ZNF385D: variants seen among roughly 807,000 people sequenced by gnomAD.
ZNF385D encodes zinc finger protein 659.
In ZNF385D, 15 loss-of-function variants were observed where a neutral mutation model predicts 35.8. The observed-to-expected ratio is 0.42, with a 90% CI of 0.28 to 0.64. The LOEUF (loss-of-function observed/expected upper bound fraction) is 0.64. Ranked by LOEUF, ZNF385D falls within the 30% of genes least tolerant of loss-of-function variation. The probability of loss-of-function intolerance (pLI) is 0.23; values close to 1 mark genes in which losing one functional copy is unlikely to be tolerated. For missense variants in ZNF385D, 474 were observed against 494.6 expected (o/e 0.96, Z 0.39); for synonymous variants, 212 against 186.8 (o/e 1.13, Z -1.10).
intron 3 of ZNF385D, among the ~76,000 whole-genome samples, chr3:22,114,537 A>T (rs1702712366): frequency 6.6e-6 from 1 of 152,096 alleles, no homozygotes; most frequent in Non-Finnish European, 1.5e-5. Context: ...ATTAGGGAAG[A>T]GAGACAGGAA....
At chr3:22,262,905 C>A (rs1700709050) in intron 2 of ZNF385D, among the ~76,000 whole-genome samples, 1 of 151,918 alleles carries the variant, frequency 6.6e-6, no homozygotes, top group Non-Finnish European at 1.5e-5. Context: ...GGGCATCAAC[C>A]CTTACCCAGG....
intron 3 of ZNF385D, among the ~76,000 whole-genome samples, chr3:21,989,224 C>G (rs1315601778): frequency 6.6e-6 from 1 of 152,150 alleles, no homozygotes; most frequent in African/African-American, 2.4e-5. Context: ...TAGGAATGGT[C>G]GTGGTTTAAC....
chr3:21,711,001 A>G (rs1027793204), intron 1 of ZNF385D, among the ~76,000 whole-genome samples: 2 of 146,622 alleles, frequency 1.4e-5, no homozygotes, highest in Admixed American at 1.4e-4. Flanking sequence ...TGAGCAACTT[A>G]AACCTCTCTA....
chr3:21,731,512 C>G (rs753827238), intron 1 of ZNF385D, among the ~76,000 whole-genome samples: 4 of 152,064 alleles, frequency 2.6e-5, no homozygotes, highest in Non-Finnish European at 5.9e-5. Context: ...TCATAACTAC[C>G]CAGAGTTTAT....
At chr3:21,883,463 G>T (rs1698382849) in intron 3 of ZNF385D, among the ~76,000 whole-genome samples, 2 of 151,910 alleles carry the variant, frequency 1.3e-5, no homozygotes, top group South Asian at 2.1e-4. Flanking sequence ...GATTTTGCCT[G>T]ATCATGAGGG....
chr3:21,893,866 G>T (rs2125886276), intron 3 of ZNF385D, among the ~76,000 whole-genome samples: 1 of 152,230 alleles, frequency 6.6e-6, no homozygotes, highest in South Asian at 2.1e-4. Flanking sequence ...ACTTGAAATT[G>T]TATTTAGTTT....
chr3:22,057,971 T>A (rs1172469499), intron 3 of ZNF385D, among the ~76,000 whole-genome samples: 1 of 152,212 alleles, frequency 6.6e-6, no homozygotes, highest in Admixed American at 6.5e-5. Context: ...TTCTTGTTTA[T>A]CTCAATCAAA....
intron 3 of ZNF385D, among the ~76,000 whole-genome samples, chr3:22,155,353 C>T (rs1268980042): frequency 6.6e-6 from 1 of 151,852 alleles, no homozygotes; most frequent in Non-Finnish European, 1.5e-5. Flanking sequence ...GTCCCTGATG[C>T]TTGTATTAGT....
chr3:21,647,603 T>C (rs558333321), intron 2 of ZNF385D, among the ~76,000 whole-genome samples: 2 of 152,304 alleles, frequency 1.3e-5, no homozygotes, highest in African/African-American at 2.4e-5. Flanking sequence ...ATCCCTAAAA[T>C]AATGATTTCA....
intron 3 of ZNF385D, among the ~76,000 whole-genome samples, chr3:21,921,222 C>T (rs1468627550): frequency 1.5e-5 from 1 of 68,962 alleles, no homozygotes. Context: ...GACTCCATCT[C>T]AAAAAAAAAA....
chr3:22,262,612 G>A (rs575736301), intron 2 of ZNF385D, among the ~76,000 whole-genome samples: 2 of 151,940 alleles, frequency 1.3e-5, no homozygotes, highest in South Asian at 4.2e-4. Context: ...CTGTAACTAA[G>A]AATACTTTTT....
intron 3 of ZNF385D, among the ~76,000 whole-genome samples, chr3:22,037,064 G>A (rs1698371800): frequency 6.6e-6 from 1 of 152,006 alleles, no homozygotes; most frequent in Admixed American, 6.5e-5. Context: ...TGGCTGCATA[G>A]TATTTTATGG....
chr3:21,999,901 CA>C (rs1259630552), intron 3 of ZNF385D, among the ~76,000 whole-genome samples: 1 of 151,946 alleles, frequency 6.6e-6, no homozygotes, highest in Non-Finnish European at 1.5e-5. Flanking sequence ...TGGGTGAAGG[CA>C]AAGAGAAACT....
chr3:22,329,002 G>A (rs1218137435), intron 2 of ZNF385D, among the ~76,000 whole-genome samples: 1 of 150,378 alleles, frequency 6.6e-6, no homozygotes, highest in East Asian at 1.9e-4. Flanking sequence ...GCGTGAACCC[G>A]GGAGGCGGAG....
chr3:22,165,382 G>T (rs1328688385), intron 3 of ZNF385D, among the ~76,000 whole-genome samples: 10 of 152,182 alleles, frequency 6.6e-5, no homozygotes, highest in East Asian at 1.9e-4. Context: ...GATGGCTGTG[G>T]AAAGATGACA....
At chr3:21,765,018 G>A (rs1238293897) in intron 3 of ZNF385D, among the ~76,000 whole-genome samples, 1 of 152,126 alleles carries the variant, frequency 6.6e-6, no homozygotes, top group African/African-American at 2.4e-5. Context: ...GCTGTCTCAA[G>A]TAAATAAAGT....
intron 3 of ZNF385D, among the ~76,000 whole-genome samples, chr3:22,159,571 A>G (rs1439798009): frequency 6.6e-6 from 1 of 152,102 alleles, no homozygotes; most frequent in Non-Finnish European, 1.5e-5. Context: ...AATGGAATTC[A>G]TATTAAGTCC....
chr3:21,952,919 A>G (rs1423273885), intron 3 of ZNF385D, among the ~76,000 whole-genome samples: 1 of 152,028 alleles, frequency 6.6e-6, no homozygotes, highest in Non-Finnish European at 1.5e-5. Flanking sequence ...CACGGTCTAT[A>G]AACTCATTTC....
chr3:22,190,543 T>C (rs768596328), intron 2 of ZNF385D, among the ~76,000 whole-genome samples: 1 of 152,176 alleles, frequency 6.6e-6, no homozygotes, highest in South Asian at 2.1e-4. Flanking sequence ...GTTCATAAAG[T>C]AATTGCTAAT....
Sources: allele counts gnomAD v4.1 joint callset (sites outside exome capture counted in the v4.1 genomes callset), GRCh38; gene constraint gnomAD v4.1.1; transcripts MANE v1.5; gene names NCBI Gene and HGNC (gene_info 2026-07-23, HGNC 2026-07-21).